TTN: variants seen among roughly 807,000 people sequenced by gnomAD.
TTN encodes the protein titin.
TTN carries 1,525 observed loss-of-function variants against 3,223.0 expected under a neutral mutation model. That is an observed-to-expected ratio of 0.47 (90% CI 0.45 to 0.49). The LOEUF (loss-of-function observed/expected upper bound fraction) is 0.49, where lower values mean the gene tolerates loss of function less well. Ranked by LOEUF, TTN falls within the 20% of genes least tolerant of loss-of-function variation. The pLI is 0.00. For missense variants in TTN, 40,786 were observed against 43,424.0 expected, an observed-to-expected ratio of 0.94 and a Z score of 5.40; for synonymous variants, 14,094 against 15,161.0, an observed-to-expected ratio of 0.93 and a Z score of 5.17.
Position 178,618,193 on chromosome 2 carries a change from T to C in TTN, c.47265A>G (p.Lys15755=), listed in dbSNP as rs1016054525. The C allele has an allele frequency of 6.2e-7, 1 of 1,612,128 alleles. No individual in the cohort carries two copies. The highest frequency in any genetic ancestry group is 1.7e-5 in the Admixed American group (1 of 59,832). Residue 15755 remains lysine (K), a synonymous_variant, in exon 252 of 363, where the codon AAA becomes AAG. Coordinates refer to ENST00000589042, the MANE Select transcript of TTN (RefSeq NM_001267550.2). Reference sequence around the variant, plus strand: ...AATTTACTTAAAACTTCTTACCATATTTACTCCTTGCTTCTACAGGATTGT... The same window carrying C: ...AATTTACTTAAAACTTCTTACCATACTTACTCCTTGCTTCTACAGGATTGT... ...ETDNPVEARS[K]YDVPGPPLNV... is the part of the protein sequence containing the mutation.
At position 178,528,937 on chromosome 2, in the gene TTN, G is replaced by A; in HGVS notation, c.106814C>T (p.Thr35605Ile). 1 of 1,614,028 alleles carries A rather than the reference G, an allele frequency of 6.2e-7. No homozygotes were observed. The change falls in exon 360 of 363, where the codon ACT becomes ATT. Residue 35605 changes from threonine to isoleucine, a missense_variant. Thr to Ile is a moderately conservative substitution (Grantham distance 89). Coordinates refer to ENST00000589042, the MANE Select transcript of TTN (RefSeq NM_001267550.2). ...KTSQASEEVR[T>I]HAEIKAFSTQ... is the part of the protein sequence containing the mutation. ...AGAAAATGCTTTAATCTCAGCATGA[G>A]TTCTGACTTCTTCTGATGCCTGTGA...
Position 178,573,260 on chromosome 2 carries a change from T to C in TTN, c.72872A>G (p.His24291Arg). 3 of 1,605,864 alleles carry C rather than the reference T, an allele frequency of 1.9e-6. No individual in the cohort carries two copies. The highest frequency in any genetic ancestry group is 2.6e-6 in the Non-Finnish European group (3 of 1,175,346). Residue 24291 changes from histidine to arginine, a missense_variant, in exon 326 of 363, where the codon CAT becomes CGT. Coordinates refer to ENST00000589042, the MANE Select transcript of TTN (RefSeq NM_001267550.2). The stretch of plus-strand genomic sequence containing the variant: ...AGCCATAATCCTGAACTCATATTCA[T>C]GTCCTTCTGTCAGTCCAGACACTTT... ...RYKVSGLTEGHEYEFRIMAEN... is the reference protein window; with the variant it reads ...RYKVSGLTEGREYEFRIMAEN...
rs976593434 is a variant in TTN at position 178,688,982 on chromosome 2, A to G, written c.32095+71T>C. 5.9e-6 allele frequency: 9 copies of G among 1,521,934 alleles called. No homozygotes were observed. The South Asian group carries it at 9.3e-5, about 16-fold the overall frequency. 94.3% of individuals were successfully genotyped at this position (1,521,934 alleles called of 1,614,324 possible). A position where few individuals can be genotyped will look rare whatever the true frequency, so the allele number is the denominator to read the frequency against. On this transcript the variant is annotated intron_variant, in intron 125 of 362. Transcript: ENST00000589042. ...TAAGCACAGACCAGATGGAAAAAGC[A>G]AGAATTTAACACACTCGAAGATTTT...
chr2:178,800,785 G>A (rs748839762), intron 3 of TTN, 103 bp from the exon 4 acceptor site: 44 of 1,325,762 alleles, frequency 3.3e-5, no homozygotes, highest in Middle Eastern at 2.8e-4. Flanking sequence ...GTGATGACTC[G>A]CCAATCTAAA....
At position 178,572,543 on chromosome 2, in the gene TTN, T is replaced by G; in HGVS notation, c.73589A>C (p.Glu24530Ala). Reference sequence around the variant, plus strand: ...GAGTGTGACAGATGTCTTAGTGACCTCTTTTACCTTCAGATCCTGTGGGGG... The same window carrying G: ...GAGTGTGACAGATGTCTTAGTGACCGCTTTTACCTTCAGATCCTGTGGGGG... The part of the protein sequence containing the change: ...PGPPQDLKVK[E>A]VTKTSVTLTW... Residue 24530 changes from glutamate to alanine, a missense_variant, in exon 326 of 363, where the codon GAG becomes GCG. Transcript: ENST00000589042. 1 of 1,613,466 alleles carries G rather than the reference T, an allele frequency of 6.2e-7. No homozygotes were observed. Among genetic ancestry groups the G allele is most frequent in the Non-Finnish European group, 8.5e-7 (1 of 1,179,616 alleles).
intron 40 of TTN, 111 bp from the exon 41 acceptor site, chr2:178,766,723 A>T (rs2090502596): frequency 5.0e-6 from 4 of 795,330 alleles, no homozygotes; most frequent in Non-Finnish European, 6.3e-6. Context: ...ATGTGAAACC[A>T]ATATATTATA....
At chr2:178,675,191 A>T in intron 149 of TTN, 78 bp from the exon 150 acceptor site, 1 of 904,600 alleles carries the variant, frequency 1.1e-6, no homozygotes, top group Non-Finnish European at 1.7e-6. Flanking sequence ...CCAGTTTCCA[A>T]CATAAGAGAG....
chr2:178,803,837 T>C (rs1230275798), intron 2 of TTN, among the ~76,000 whole-genome samples: 2 of 152,058 alleles, frequency 1.3e-5, no homozygotes, highest in East Asian at 1.9e-4. Flanking sequence ...GATGATACCA[T>C]GCATTTTTTT....
At position 178,727,053 on chromosome 2, in the gene TTN, T is replaced by A. The variant is rs770048167; in HGVS notation, c.20275+37A>T. On this transcript the variant is annotated intron_variant, in intron 69 of 362. Coordinates refer to ENST00000589042, the MANE Select transcript of TTN (RefSeq NM_001267550.2). ...TATAATACCCAGGGGAGAAGGTGGTTTTCATTTAATGAGAAACACAAGAAC... is the reference window on the plus strand; with the variant it reads ...TATAATACCCAGGGGAGAAGGTGGTATTCATTTAATGAGAAACACAAGAAC... 7.1e-6 allele frequency: 10 copies of A among 1,411,006 alleles called. No homozygotes were observed. The African/African-American group carries it at 1.4e-4, about 20-fold the overall frequency. The allele number at this position is 1,411,006 out of a possible 1,614,324, so 87.4% of individuals were successfully genotyped here. A position where few individuals can be genotyped will look rare whatever the true frequency, so the allele number is the denominator to read the frequency against.
Position 178,613,148 on chromosome 2 carries a change from A to T in TTN, c.49648+13T>A, listed in dbSNP as rs368996176. 314 of 1,607,048 alleles carry T rather than the reference A, an allele frequency of 2.0e-4. No individual in the cohort carries two copies. Among genetic ancestry groups the T allele is most frequent in the Non-Finnish European group, 2.5e-4 (295 of 1,177,554 alleles). On this transcript the variant is annotated intron_variant, in intron 264 of 362. Coordinates refer to ENST00000589042, the MANE Select transcript of TTN (RefSeq NM_001267550.2). ...GAACTTCGAAATAACCACAAAAATT[A>T]TATAAATAATACCTATGGGATCCTT...
intron 47 of TTN, chr2:178,749,559 A>T: frequency 6.2e-7 from 1 of 1,612,784 alleles, no homozygotes; most frequent in South Asian, 1.1e-5. Flanking sequence ...GCCCTTACAG[A>T]TTCTCCCTGG....
intron 294 of TTN, among the ~76,000 whole-genome samples, 175 bp from the exon 295 acceptor site, chr2:178,595,984 CTTTTTTTTTT>C (rs762808998): frequency 3.5e-5 from 4 of 114,512 alleles, no homozygotes; most frequent in East Asian, 2.5e-4. Context: ...CAGTCAACCA[CTTTTTTTTTT>C]TTTTTTTTTT....
In TTN at chr2:178,732,487, C is replaced by A; in HGVS notation, c.16574G>T (p.Ser5525Ile). ...GCATTCCACCCCTCCAGCGACATTGCTGACTTTACATGTGTACGTGCCCGA... is the reference window on the plus strand; with the variant it reads ...GCATTCCACCCCTCCAGCGACATTGATGACTTTACATGTGTACGTGCCCGA... ...SDSGTYTCKV[S>I]NVAGGVECSA... is the part of the protein sequence containing the mutation. The change falls in exon 56 of 363, where the codon AGC becomes ATC. Residue 5525 changes from serine to isoleucine, a missense_variant. Physicochemically the swap from Ser to Ile is moderately radical, Grantham distance 142. Transcript: ENST00000589042. 1.2e-6 allele frequency: 2 copies of A among 1,613,034 alleles called. No individual in the cohort carries two copies. Among genetic ancestry groups the A allele is most frequent in the African/African-American group, 2.7e-5 (2 of 75,000 alleles).
intron 164 of TTN, 94 bp from the exon 165 acceptor site, chr2:178,665,554 A>G: frequency 7.0e-7 from 1 of 1,420,138 alleles, no homozygotes; most frequent in South Asian, 1.2e-5. Context: ...ATGGCTAAAA[A>G]GATGATTCCT....
intron 99 of TTN, among the ~76,000 whole-genome samples, chr2:178,709,001 T>G (rs1405525981): frequency 6.6e-6 from 1 of 152,246 alleles, no homozygotes; most frequent in Non-Finnish European, 1.5e-5. Flanking sequence ...TTTAAATATG[T>G]CTTCCATAAT....
In TTN at chr2:178,776,683, T is replaced by TGTTA; in HGVS notation, c.5177_5180dup (p.Pro1728AsnfsTer5). The TGTTA allele has an allele frequency of 6.2e-7, 1 of 1,614,084 alleles. No homozygotes were observed. The highest frequency in any genetic ancestry group is 8.5e-7 in the Non-Finnish European group (1 of 1,179,996). On this transcript the variant is annotated frameshift_variant, in exon 28 of 363. Transcript: ENST00000589042. LOFTEE classifies it high-confidence loss of function. ...CCACCATCGTTGGGTCACCAATGGG[T>TGTTA]GTTAGCCTGCATTCAAAGTGGGCAG...
chr2:178,592,586 T>G lies in TTN; in HGVS notation c.59419A>C (p.Ser19807Arg). Residue 19807 changes from serine to arginine, a missense_variant, in exon 301 of 363, where the codon AGT becomes CGT. Transcript: ENST00000589042. ...AATGGCACTCCTTTGATGATGGCACTAAGTCTTAGAGTATCACCAACTTTA... is the reference window on the plus strand; with the variant it reads ...AATGGCACTCCTTTGATGATGGCACGAAGTCTTAGAGTATCACCAACTTTA... ...HIKVGDTLRL[S>R]AIIKGVPFPK... The G allele has an allele frequency of 6.2e-7, 1 of 1,613,514 alleles. No homozygotes were observed. The highest frequency in any genetic ancestry group is 8.5e-7 in the Non-Finnish European group (1 of 1,179,610).
In TTN at chr2:178,778,155, T is replaced by C. The variant is rs140462764; in HGVS notation, c.4209-180A>G. On this transcript the variant is annotated intron_variant, in intron 24 of 362. Coordinates refer to ENST00000589042, the MANE Select transcript of TTN (RefSeq NM_001267550.2). ...TATATTATTGTTGCCCCCACAACTA[T>C]GTTTTTCCTATATTCTCAATTTTAG... 0.039 allele frequency: 31,381 copies of C among 803,316 alleles called. 1,534 individuals carry two copies. Among genetic ancestry groups the C allele is most frequent in the Admixed American group, 0.16 (6,343 of 40,446 alleles). The allele number at this position is 803,316 out of a possible 1,614,324, so 49.8% of individuals were successfully genotyped here.
Position 178,759,032 on chromosome 2 carries a change from T to C in TTN, c.10255A>G (p.Ser3419Gly), listed in dbSNP as rs1266502582. 6.8e-6 allele frequency: 11 copies of C among 1,614,042 alleles called. No individual in the cohort carries two copies. In the Middle Eastern group the frequency reaches 8.3e-4, roughly 121 times the overall value. Residue 3419 changes from serine to glycine, a missense_variant, in exon 44 of 363, where the codon AGT (serine) becomes GGT (glycine). Coordinates refer to ENST00000589042, the MANE Select transcript of TTN (RefSeq NM_001267550.2). Reference protein sequence around the residue: ...EDEGTYTFVASNAVGQVSSTA... With the variant: ...EDEGTYTFVAGNAVGQVSSTA... ...CTTGATACTTGGCCTACAGCATTAC[T>C]AGCAACAAACGTGTAAGTTCCTTCA...
Sources: allele counts gnomAD v4.1 joint callset (sites outside exome capture counted in the v4.1 genomes callset), GRCh38; gene constraint gnomAD v4.1.1; transcripts MANE v1.5; gene names NCBI Gene and HGNC (gene_info 2026-07-23, HGNC 2026-07-21).